PCDHA10: variants seen among roughly 807,000 people sequenced by gnomAD.
PCDHA10 encodes protocadherin alpha-10.
Under a neutral mutation model 61.2 loss-of-function variants are expected in PCDHA10, and 45 were observed. That is an observed-to-expected ratio of 0.74 (90% CI 0.58 to 0.94). The LOEUF (loss-of-function observed/expected upper bound fraction) is 0.94. Among genes scored for constraint, PCDHA10 ranks in the 40% least tolerant of loss-of-function variants. The pLI is 0.00. For missense variants in PCDHA10, 1,278 were observed against 1,236.2 expected (o/e 1.03, Z -0.51); for synonymous variants, 602 against 548.8 (o/e 1.10, Z -1.35).
intron 1 of PCDHA10, chr5:140,870,322 G>A (rs1554164069): frequency 6.2e-7 from 1 of 1,614,086 alleles, no homozygotes; most frequent in African/African-American, 1.3e-5. Flanking sequence ...CTACTCGTTG[G>A]TGCTGGACAG....
intron 1 of PCDHA10, among the ~76,000 whole-genome samples, chr5:140,890,597 G>A (rs527637387): frequency 2.6e-5 from 4 of 152,002 alleles, no homozygotes; most frequent in African/African-American, 4.8e-5. Flanking sequence ...GCCCTTTTCC[G>A]AATAGCTAGT....
intron 1 of PCDHA10, among the ~76,000 whole-genome samples, chr5:140,958,973 ATTAG>A (rs2095457294): frequency 1.3e-5 from 2 of 152,038 alleles, no homozygotes; most frequent in African/African-American, 2.4e-5. Flanking sequence ...CTATTTTATT[ATTAG>A]TTATTGTTGC....
At chr5:140,898,583 G>C (rs1179481608) in intron 1 of PCDHA10, among the ~76,000 whole-genome samples, 2 of 152,124 alleles carry the variant, frequency 1.3e-5, no homozygotes, top group African/African-American at 4.8e-5. Context: ...TGCTGTTTTG[G>C]TTACTGTAGC....
At chr5:140,889,414 C>T (rs1014981678) in intron 1 of PCDHA10, among the ~76,000 whole-genome samples, 3 of 151,934 alleles carry the variant, frequency 2.0e-5, no homozygotes, top group Admixed American at 6.6e-5. Flanking sequence ...GAGTCAGTTA[C>T]GTAGATAATA....
chr5:140,925,641 TATA>T (rs10569930), intron 1 of PCDHA10, among the ~76,000 whole-genome samples: 13,718 of 143,270 alleles, frequency 0.096, 957 homozygotes, highest in East Asian at 0.35. Context: ...GAACTTAAAG[TATA>T]ATAATAATAA....
chr5:140,905,160 A>G (rs1554191931), intron 1 of PCDHA10, among the ~76,000 whole-genome samples: 2 of 152,304 alleles, frequency 1.3e-5, no homozygotes, highest in East Asian at 1.9e-4. Flanking sequence ...TAGAATTTTC[A>G]TGGTTTCAGG....
intron 1 of PCDHA10, among the ~76,000 whole-genome samples, chr5:140,956,602 G>T (rs541025327): frequency 2.6e-5 from 4 of 152,212 alleles, no homozygotes. Flanking sequence ...GATATCAGCT[G>T]GAAGTTTTCC....
Position 140,858,194 on chromosome 5 carries a change from T to C in PCDHA10, c.2146T>C (p.Tyr716His). 3 of 1,596,986 alleles carry C rather than the reference T, an allele frequency of 1.9e-6. No individual in the cohort carries two copies. Among genetic ancestry groups the C allele is most frequent in the Non-Finnish European group, 1.7e-6 (2 of 1,166,786 alleles). ...CTTGCTGGTGCTCACGCTGCTGCTG[T>C]ACACTGCACTGAGGTGCTCGGCGGC... ...SSLLVLTLLL[Y>H]TALRCSAAPT... is the part of the protein sequence containing the mutation. Residue 716 changes from tyrosine (Y) to histidine (H), a missense_variant, in exon 1 of 4, where the codon TAC becomes CAC. Tyr to His is a moderately conservative substitution (Grantham distance 83). Transcript: ENST00000307360.
At chr5:140,924,675 A>G (rs2081950007) in intron 1 of PCDHA10, among the ~76,000 whole-genome samples, 1 of 152,152 alleles carries the variant, frequency 6.6e-6, no homozygotes, top group Non-Finnish European at 1.5e-5. Flanking sequence ...CAGGCCAATC[A>G]CTTGAGGTCA....
chr5:140,870,397 C>T (rs1554164199), intron 1 of PCDHA10: 2 of 1,614,230 alleles, frequency 1.2e-6, no homozygotes, highest in South Asian at 1.1e-5. Flanking sequence ...TGGGGGTTCG[C>T]CTTCTCTGTG....
chr5:140,943,276 AAGAAAG>A (rs2093462778), intron 1 of PCDHA10, among the ~76,000 whole-genome samples: 3 of 135,982 alleles, frequency 2.2e-5, no homozygotes, highest in African/African-American at 8.7e-5. Flanking sequence ...AAAAAAAAAA[AAGAAAG>A]AAAGAATTAA....
At chr5:141,002,934 C>A (rs1318656602) in intron 3 of PCDHA10, among the ~76,000 whole-genome samples, 2 of 152,172 alleles carry the variant, frequency 1.3e-5, no homozygotes, top group Non-Finnish European at 2.9e-5. Flanking sequence ...CCTCCAACAC[C>A]CTCCAGCACA....
At chr5:140,925,556 T>C (rs1421287870) in intron 1 of PCDHA10, among the ~76,000 whole-genome samples, 2 of 151,752 alleles carry the variant, frequency 1.3e-5, no homozygotes, top group African/African-American at 4.8e-5. Flanking sequence ...AAATGACAAG[T>C]TAATGGGTGC....
rs377564040 is a variant in PCDHA10, at chr5:140,856,761, C to A, written c.713C>A (p.Ala238Asp). 2 of 1,596,482 alleles carry A rather than the reference C, an allele frequency of 1.3e-6. No homozygotes were observed. The highest frequency in any genetic ancestry group is 2.7e-5 in the African/African-American group (2 of 74,112). ...CTGGTGTTAGATGCCAATGATAACG[C>A]CCCTATCTTTGACAGACCGGTTTAT... Reference protein sequence around the residue: ...LILVLDANDNAPIFDRPVYEV... With the variant: ...LILVLDANDNDPIFDRPVYEV... Residue 238 changes from alanine to aspartate, a missense_variant, in exon 1 of 4, where the codon GCC (alanine) becomes GAC (aspartate). Transcript: ENST00000307360.
At position 140,856,990 on chromosome 5, in the gene PCDHA10, T is replaced by C; in HGVS notation, c.942T>C (p.Thr314=). 1 of 1,595,350 alleles carries C rather than the reference T, an allele frequency of 6.3e-7. No individual in the cohort carries two copies. Among genetic ancestry groups the C allele is most frequent in the Non-Finnish European group, 8.6e-7 (1 of 1,165,104 alleles). ...CTATTGACTTTGAGGACAGTAACAC[T>C]TATGAAATTCATGTAGATGTTACAG... is the stretch of plus-strand genomic sequence containing the variant. The part of the protein sequence containing the change: ...NDAIDFEDSN[T]YEIHVDVTDK... Residue 314 remains threonine, a synonymous_variant, in exon 1 of 4, where the codon ACT becomes ACC. Transcript: ENST00000307360.
chr5:140,928,645 G>A (rs782494285), intron 1 of PCDHA10: 4 of 1,614,084 alleles, frequency 2.5e-6, no homozygotes, highest in Non-Finnish European at 2.5e-6. Context: ...AAAAGTGGTA[G>A]CAGAGGATGC....
rs573633705 is a variant in PCDHA10, at chr5:140,978,668, C to T, written c.2389-281C>T. ...TGTTCTTCCCGTAGTGTTTTAAGAACACAGACATGTATTGGGCAAGGCAAA... is the reference window on the plus strand; with the variant it reads ...TGTTCTTCCCGTAGTGTTTTAAGAATACAGACATGTATTGGGCAAGGCAAA... On this transcript the variant is annotated intron_variant, in intron 1 of 3. Coordinates refer to ENST00000307360, the MANE Select transcript of PCDHA10 (RefSeq NM_018901.4). 4.6e-5 allele frequency among the ~76,000 whole-genome samples: 7 copies of T among 152,362 alleles called. No homozygotes were observed. The East Asian group carries it at 1.3e-3, about 29-fold the overall frequency.
chr5:140,973,331 TGTAAAGTGACATAGTA>T (rs782725271), intron 1 of PCDHA10, among the ~76,000 whole-genome samples: 2 of 152,218 alleles, frequency 1.3e-5, no homozygotes, highest in Non-Finnish European at 2.9e-5. Context: ...TTACACTCGT[TGTAAAGTGACATAGTA>T]GTGAATTTAT....
intron 1 of PCDHA10, among the ~76,000 whole-genome samples, chr5:140,955,134 C>T (rs868995724): frequency 3.3e-5 from 5 of 152,022 alleles, no homozygotes; most frequent in African/African-American, 1.2e-4. Context: ...CTGGTCTACA[C>T]GTCTGTTTTT....
Sources: gnomAD v4.1 joint callset for allele counts (sites outside exome capture counted in the v4.1 genomes callset) on GRCh38, gnomAD v4.1.1 for gene constraint, MANE v1.5 for transcripts, NCBI Gene and HGNC (gene_info 2026-07-23, HGNC 2026-07-21) for gene names.